The following PXDNL variants were observed in gnomAD, a reference collection of about 807,000 sequenced individuals.
PXDNL encodes the protein peroxidasin like, also known as probable oxidoreductase PXDNL.
PXDNL carries 145 observed loss-of-function variants against 150.8 expected under a neutral mutation model. The observed-to-expected ratio is 0.96, with a 90% CI of 0.84 to 1.10. The LOEUF is 1.10. Ranked by LOEUF, PXDNL falls within the 50% of genes least tolerant of loss-of-function variation. The probability of loss-of-function intolerance (pLI) is 0.00; values close to 1 mark genes in which losing one functional copy is unlikely to be tolerated. For synonymous variants in PXDNL, 757 were observed against 725.7 expected, an observed-to-expected ratio of 1.04 and a Z score of -0.69; for missense variants, 2,087 against 1,873.9, an observed-to-expected ratio of 1.11 and a Z score of -2.10.
rs200082340 is a variant in PXDNL at position 51,615,188 on chromosome 8, GC to G, written c.237-22491del. Among the ~76,000 whole-genome samples, 841 of 152,132 alleles carry G rather than the reference GC, an allele frequency of 5.5e-3. 15 individuals are homozygous for G. The highest frequency in any genetic ancestry group is 3.9e-3 in the Non-Finnish European group (266 of 68,002). ...GTACAACATAAAATAGCATGTCTGA[GC>G]TCACAAACCTATTCCTTCTTACTGG... On this transcript the variant is annotated intron_variant, in intron 2 of 22. Coordinates refer to ENST00000356297, the MANE Select transcript of PXDNL (RefSeq NM_144651.5).
intron 12 of PXDNL, among the ~76,000 whole-genome samples, chr8:51,427,242 C>T (rs1014164087): frequency 6.6e-6 from 1 of 152,058 alleles, no homozygotes; most frequent in Non-Finnish European, 1.5e-5. Context: ...AAATGAATTC[C>T]TAATCCTTAA....
intron 1 of PXDNL, among the ~76,000 whole-genome samples, chr8:51,798,353 G>A (rs988113058): frequency 2.6e-5 from 4 of 152,102 alleles, no homozygotes; most frequent in Non-Finnish European, 5.9e-5. Flanking sequence ...TTAAACTATA[G>A]AGCTTTTGCA....
intron 9 of PXDNL, among the ~76,000 whole-genome samples, chr8:51,454,442 T>A (rs749268865): frequency 2.4e-4 from 37 of 152,320 alleles, no homozygotes; most frequent in Admixed American, 5.2e-4. Flanking sequence ...TTAAGCCATA[T>A]CTAGCCAAGC....
At chr8:51,377,923 T>C (rs1357025780) in intron 17 of PXDNL, among the ~76,000 whole-genome samples, 1 of 152,206 alleles carries the variant, frequency 6.6e-6, no homozygotes, top group Non-Finnish European at 1.5e-5. Flanking sequence ...AGCAGGGGAC[T>C]GGCAGGCAGC....
intron 4 of PXDNL, among the ~76,000 whole-genome samples, chr8:51,501,660 A>G (rs1212325287): frequency 6.6e-6 from 1 of 152,064 alleles, no homozygotes; most frequent in Non-Finnish European, 1.5e-5. Context: ...ACACACTTTC[A>G]CGCACTGACA....
At chr8:51,341,148 C>T (rs946484336) in intron 20 of PXDNL, among the ~76,000 whole-genome samples, 1 of 152,156 alleles carries the variant, frequency 6.6e-6, no homozygotes, top group African/African-American at 2.4e-5. Flanking sequence ...TGCCGTTAGG[C>T]TCCTCACATT....
chr8:51,412,082 T>A (rs1042760200), intron 15 of PXDNL, among the ~76,000 whole-genome samples: 1 of 152,146 alleles, frequency 6.6e-6, no homozygotes, highest in Non-Finnish European at 1.5e-5. Context: ...TAATAGCAGT[T>A]TATGCACATT....
At chr8:51,673,382 C>T (rs1322591307) in intron 1 of PXDNL, among the ~76,000 whole-genome samples, 1 of 152,148 alleles carries the variant, frequency 6.6e-6, no homozygotes, top group Non-Finnish European at 1.5e-5. Context: ...CTTTTTTACT[C>T]TGTTACATTT....
chr8:51,545,291 AG>A (rs1382076459), intron 4 of PXDNL, among the ~76,000 whole-genome samples: 1 of 152,206 alleles, frequency 6.6e-6, no homozygotes, highest in African/African-American at 2.4e-5. Context: ...CACAGTGATA[AG>A]GGCTTTCCAT....
chr8:51,418,885 G>A (rs1452369209), intron 14 of PXDNL, among the ~76,000 whole-genome samples: 1 of 152,072 alleles, frequency 6.6e-6, no homozygotes, highest in Admixed American at 6.5e-5. Flanking sequence ...AATGATGAAA[G>A]GCTGAGCCAT....
intron 1 of PXDNL, among the ~76,000 whole-genome samples, chr8:51,773,497 C>T (rs1403654023): frequency 6.6e-6 from 1 of 152,182 alleles, no homozygotes; most frequent in African/African-American, 2.4e-5. Context: ...GAGAAACAGA[C>T]TCAGGGTGAA....
intron 1 of PXDNL, among the ~76,000 whole-genome samples, chr8:51,757,926 A>G (rs1284824176): frequency 6.6e-6 from 1 of 152,206 alleles, no homozygotes; most frequent in East Asian, 1.9e-4. Context: ...AAAAAATGTA[A>G]TTGTATCCAA....
chr8:51,484,633 A>T (rs1390243055), intron 5 of PXDNL, among the ~76,000 whole-genome samples: 1 of 152,056 alleles, frequency 6.6e-6, no homozygotes, highest in Non-Finnish European at 1.5e-5. Context: ...CCATTTCTAC[A>T]TGTCCGGAGC....
At chr8:51,789,422 G>T (rs1057210356) in intron 1 of PXDNL, among the ~76,000 whole-genome samples, 2 of 152,154 alleles carry the variant, frequency 1.3e-5, no homozygotes, top group Non-Finnish European at 2.9e-5. Flanking sequence ...CAAGTCTTCA[G>T]GGATGAACAA....
chr8:51,547,266 C>G (rs1358351067), intron 4 of PXDNL, among the ~76,000 whole-genome samples: 3 of 152,166 alleles, frequency 2.0e-5, no homozygotes, highest in African/African-American at 7.2e-5. Context: ...CATAACAGAA[C>G]AACCCTGCTC....
At chr8:51,476,421 T>G (rs757822479) in intron 6 of PXDNL, among the ~76,000 whole-genome samples, 46 of 152,222 alleles carry the variant, frequency 3.0e-4, no homozygotes, top group Non-Finnish European at 6.0e-4. Context: ...AAGTCCCAGT[T>G]AGAAGGTCCC....
chr8:51,436,213 C>T (rs964456072), intron 12 of PXDNL: 7 of 522,376 alleles, frequency 1.3e-5, no homozygotes, highest in Non-Finnish European at 2.7e-5. Context: ...ATTCGTGGGC[C>T]ATGTGTTGAC....
chr8:51,399,645 T>G (rs1451923390), intron 17 of PXDNL, among the ~76,000 whole-genome samples: 1 of 152,206 alleles, frequency 6.6e-6, no homozygotes, highest in Non-Finnish European at 1.5e-5. Flanking sequence ...TTGTCTTCAC[T>G]GGGGTAATGA....
At chr8:51,731,441 C>G (rs1316571793) in intron 1 of PXDNL, among the ~76,000 whole-genome samples, 1 of 152,350 alleles carries the variant, frequency 6.6e-6, no homozygotes, top group East Asian at 1.9e-4. Context: ...AGGGTACAGC[C>G]CCCTCCTGGT....
Sources: allele counts gnomAD v4.1 joint callset (sites outside exome capture counted in the v4.1 genomes callset), GRCh38; gene constraint gnomAD v4.1.1; transcripts MANE v1.5; gene names NCBI Gene and HGNC (gene_info 2026-07-23, HGNC 2026-07-21).